The following PRR16 variants were observed in gnomAD, a reference collection of about 807,000 sequenced individuals.
PRR16 encodes the protein proline rich 16.
A neutral mutation model predicts 18.2 loss-of-function variants in PRR16; 6 were observed. The ratio of observed to expected loss-of-function variants is 0.33; its 90% CI spans 0.18 to 0.65. The LOEUF (loss-of-function observed/expected upper bound fraction) is 0.65. Ranked by LOEUF, PRR16 falls within the 30% of genes least tolerant of loss-of-function variation. The pLI is 0.74. For missense variants in PRR16, 412 were observed against 376.6 expected (o/e 1.09, Z -0.78); for synonymous variants, 151 against 147.8 (o/e 1.02, Z -0.16).
At chr5:120,590,193 A>G (rs894093889) in intron 1 of PRR16, among the ~76,000 whole-genome samples, 14 of 151,962 alleles carry the variant, frequency 9.2e-5, no homozygotes, top group Non-Finnish European at 1.5e-4. Context: ...CTGATCCCCA[A>G]TCTCTCCCCA....
At chr5:120,651,611 T>C (rs185825636) in intron 1 of PRR16, among the ~76,000 whole-genome samples, 5 of 152,318 alleles carry the variant, frequency 3.3e-5, no homozygotes, top group Admixed American at 1.3e-4. Flanking sequence ...CTTGTTTTTG[T>C]CAGGTTTGTC....
At chr5:120,494,405 G>A (rs1182189341) in intron 1 of PRR16, among the ~76,000 whole-genome samples, 1 of 151,804 alleles carries the variant, frequency 6.6e-6, no homozygotes, top group African/African-American at 2.4e-5. Context: ...CAAACTCCTG[G>A]CCTTAATTGA....
At chr5:120,710,764 T>G in the PRR16 span, 1 of 152,186 alleles carries the variant, frequency 6.6e-6, no homozygotes, top group Non-Finnish European at 1.5e-5. Context: ...GGTGAGACAT[T>G]GAGAAAAGTT....
At chr5:120,472,572 A>C (rs894104586) in intron 1 of PRR16, among the ~76,000 whole-genome samples, 1 of 152,166 alleles carries the variant, frequency 6.6e-6, no homozygotes, top group Non-Finnish European at 1.5e-5. Flanking sequence ...AGGTAAAGAG[A>C]CAAAACAAGT....
chr5:120,698,160 G>A, the PRR16 span, among the ~76,000 whole-genome samples: 2 of 152,078 alleles, frequency 1.3e-5, no homozygotes, highest in African/African-American at 4.8e-5. Flanking sequence ...GGGCTGCTTC[G>A]AGCAGGGTGA....
intron 1 of PRR16, among the ~76,000 whole-genome samples, chr5:120,612,734 A>C (rs780316319): frequency 1.3e-5 from 2 of 152,132 alleles, no homozygotes; most frequent in Non-Finnish European, 2.9e-5. Flanking sequence ...ATACACATAC[A>C]TATTATTTGA....
the PRR16 span, among the ~76,000 whole-genome samples, chr5:120,746,482 G>A: frequency 3.3e-5 from 5 of 152,092 alleles, no homozygotes; most frequent in South Asian, 4.2e-4. Context: ...GAGCCAACTC[G>A]GAACTAAAAC....
At chr5:120,696,328 A>C in the PRR16 span, among the ~76,000 whole-genome samples, 1 of 151,274 alleles carries the variant, frequency 6.6e-6, no homozygotes, top group Non-Finnish European at 1.5e-5. Context: ...ATATAAAAAA[A>C]TTAGTAATTA....
At chr5:120,544,490 GCA>G (rs1414064928) in intron 1 of PRR16, among the ~76,000 whole-genome samples, 1 of 151,876 alleles carries the variant, frequency 6.6e-6, no homozygotes, top group African/African-American at 2.4e-5. Context: ...CCTAGTATAT[GCA>G]CACACATGTA....
chr5:120,749,783 AC>A, the PRR16 span, among the ~76,000 whole-genome samples: 1 of 152,312 alleles, frequency 6.6e-6, no homozygotes, highest in East Asian at 1.9e-4. Context: ...AGGAATATGC[AC>A]ATGGATATTC....
At chr5:120,707,886 C>G in the PRR16 span, among the ~76,000 whole-genome samples, 1 of 152,116 alleles carries the variant, frequency 6.6e-6, no homozygotes, top group African/African-American at 2.4e-5. Context: ...GGCTTGTCAG[C>G]TGGGAAAACA....
chr5:120,723,739 A>G, the PRR16 span, among the ~76,000 whole-genome samples: 1 of 152,076 alleles, frequency 6.6e-6, no homozygotes. Flanking sequence ...ATTCCAGGCC[A>G]TGTACTTCTT....
the PRR16 span, chr5:120,710,656 T>G: frequency 1.6e-4 from 24 of 152,098 alleles, no homozygotes; most frequent in African/African-American, 4.8e-4. Context: ...GATTAGTCGC[T>G]CAAAAAGACA....
At chr5:120,787,926 T>C in the PRR16 span, among the ~76,000 whole-genome samples, 2 of 152,070 alleles carry the variant, frequency 1.3e-5, no homozygotes, top group African/African-American at 4.8e-5. Flanking sequence ...TTATATTTTC[T>C]CTTTATAATT....
chr5:120,510,473 A>G lies in PRR16; in HGVS notation c.159+45828A>G, dbSNP rs142563147. Among the ~76,000 whole-genome samples, 334 of 152,322 alleles carry G rather than the reference A, an allele frequency of 2.2e-3. 4 individuals are homozygous for G. The highest frequency in any genetic ancestry group is 7.6e-3 in the African/African-American group (318 of 41,580). ...TTATCATTGTGCAACAGAGCCTGCT[A>G]TCTGTGAGAGATTATTTTGCACTTC... On this transcript the variant is annotated intron_variant, in intron 1 of 1. Coordinates refer to ENST00000407149, the MANE Select transcript of PRR16 (RefSeq NM_001300783.2).
intron 1 of PRR16, among the ~76,000 whole-genome samples, chr5:120,676,534 G>A (rs1288435121): frequency 1.3e-5 from 2 of 151,524 alleles, no homozygotes; most frequent in Non-Finnish European, 2.9e-5. Context: ...GTGTGTGTGT[G>A]TGTGTGTGTG....
At chr5:120,706,310 G>T in the PRR16 span, among the ~76,000 whole-genome samples, 4 of 7,728 alleles carry the variant, frequency 5.2e-4, no homozygotes, top group Non-Finnish European at 2.5e-3. Flanking sequence ...CTTACCTCTT[G>T]ATTTTTGTCA....
chr5:120,727,223 C>A, the PRR16 span, among the ~76,000 whole-genome samples: 1 of 151,968 alleles, frequency 6.6e-6, no homozygotes, highest in Non-Finnish European at 1.5e-5. Flanking sequence ...TCTGCTGCTC[C>A]AAGATTCTGT....
chr5:120,783,978 G>A, the PRR16 span, among the ~76,000 whole-genome samples: 2 of 152,008 alleles, frequency 1.3e-5, no homozygotes, highest in East Asian at 1.9e-4. Context: ...GTCTTGCTGT[G>A]GCTGGCTTAT....
Sources: gnomAD v4.1 joint callset for allele counts (sites outside exome capture counted in the v4.1 genomes callset) on GRCh38, gnomAD v4.1.1 for gene constraint, MANE v1.5 for transcripts, NCBI Gene and HGNC (gene_info 2026-07-23, HGNC 2026-07-21) for gene names.